HES6: variants seen among roughly 807,000 people sequenced by gnomAD.
HES6 encodes the protein transcription cofactor HES-6.
HES6 carries 24 observed loss-of-function variants against 16.4 expected under a neutral mutation model. That is an observed-to-expected ratio of 1.46 (90% CI 1.06 to 2.06). The LOEUF is 2.06. Ranked by LOEUF, HES6 falls within the 30% of genes most tolerant of loss-of-function variation. The pLI is 0.00. For synonymous variants in HES6, 159 were observed against 144.3 expected, an observed-to-expected ratio of 1.10 and a Z score of -0.73; for missense variants, 355 against 317.6, an observed-to-expected ratio of 1.12 and a Z score of -0.90.
Position 238,239,730 on chromosome 2 carries a change from C to T in HES6, c.99G>A (p.Val33=). Residue 33 remains valine, a synonymous_variant, in exon 2 of 4, where the codon GTG becomes GTA. Transcript: ENST00000272937. ...RGDRKARKPL[V]EKKRRARINE... ...TGATCCGCGCGCGCCGCTTCTTCTC[C>T]ACCAGGGGCTTCCGGGCCTGCGGGG... 2 of 1,371,688 alleles carry T rather than the reference C, an allele frequency of 1.5e-6. No homozygotes were observed. The highest frequency in any genetic ancestry group is 1.9e-6 in the Non-Finnish European group (2 of 1,055,606). 85.0% of individuals were successfully genotyped at this position (1,371,688 alleles called of 1,614,324 possible). A position where few individuals can be genotyped will look rare whatever the true frequency, so the allele number is the denominator to read the frequency against.
Position 238,239,076 on chromosome 2 carries a change from C to T in HES6, c.426G>A (p.Gln142=). ...SMPLREGSSF[Q]DLLGDALAGP... ...CCGCCAGGGCGTCCCCCAGCAGATC[C>T]TGGAAGCTGCTGCCCTCACGCAGCG... Residue 142 remains glutamine (Q), a synonymous_variant, in exon 4 of 4, where the codon CAG becomes CAA. Transcript: ENST00000272937. 6.2e-7 allele frequency: 1 copy of T among 1,612,520 alleles called. No individual in the cohort carries two copies. The highest frequency in any genetic ancestry group is 8.5e-7 in the Non-Finnish European group (1 of 1,179,902).
rs1333755406 is a variant in HES6 at position 238,238,509 on chromosome 2, G to A, written c.*318C>T. 3 of 386,460 alleles carry A rather than the reference G, an allele frequency of 7.8e-6. No homozygotes were observed. Among genetic ancestry groups the A allele is most frequent in the Non-Finnish European group, 1.4e-5 (3 of 212,388 alleles). The allele number at this position is 386,460 out of a possible 1,614,324, so 23.9% of individuals were successfully genotyped here. ...CATTTCTGCCACCTCTGCCCCCAGA[G>A]CCCGCACAGGGCTGGTGAAGCCTGG... On this transcript the variant is annotated 3_prime_UTR_variant, in exon 4 of 4. Coordinates refer to ENST00000272937, the MANE Select transcript of HES6 (RefSeq NM_018645.6).
At position 238,239,163 on chromosome 2, in the gene HES6, C is replaced by T. The variant is rs1443102552; in HGVS notation, c.339G>A (p.Thr113=). 4.3e-6 allele frequency: 7 copies of T among 1,612,538 alleles called. No individual in the cohort carries two copies. Among genetic ancestry groups the T allele is most frequent in the Non-Finnish European group, 5.9e-6 (7 of 1,179,902 alleles). Residue 113 remains threonine, a synonymous_variant, in exon 4 of 4, where the codon ACG becomes ACA. Coordinates refer to ENST00000272937, the MANE Select transcript of HES6 (RefSeq NM_018645.6). ...CGACGGTAGCGTCGATGGCCTGGCA[C>T]GTGGACACGAACGTGTGCACCTCGT... is the stretch of plus-strand genomic sequence containing the variant. ...CMHEVHTFVS[T]CQAIDATVAA... is the part of the protein sequence containing the mutation.
chr2:238,238,395 C>T lies in HES6; in HGVS notation c.*432G>A. The T allele has an allele frequency of 4.1e-6, 1 of 243,240 alleles. No homozygotes were observed. The highest frequency in any genetic ancestry group is 8.1e-6 in the Non-Finnish European group (1 of 123,974). 15.1% of individuals were successfully genotyped at this position (243,240 alleles called of 1,614,324 possible). Reference sequence around the variant, plus strand: ...CATCACAGCTCTGGGCAGTGCAGCTCAGTGCACCTGCCTCTCATCTCCCCG... The same window carrying T: ...CATCACAGCTCTGGGCAGTGCAGCTTAGTGCACCTGCCTCTCATCTCCCCG... On this transcript the variant is annotated 3_prime_UTR_variant, in exon 4 of 4. Coordinates refer to ENST00000272937, the MANE Select transcript of HES6 (RefSeq NM_018645.6).
chr2:238,239,305 T>G, intron 3 of HES6, 54 bp from the exon 4 acceptor site: 1 of 1,552,510 alleles, frequency 6.4e-7, no homozygotes, highest in Non-Finnish European at 8.7e-7. Context: ...GAGCGGCGAC[T>G]GCGTGGCCCA....
At chr2:238,239,357 G>C in intron 3 of HES6, 106 bp from the exon 4 acceptor site, 1 of 1,348,698 alleles carries the variant, frequency 7.4e-7, no homozygotes, top group Non-Finnish European at 9.8e-7. Flanking sequence ...CAGGAGACGC[G>C]GGGGCGCACC....
At position 238,239,915 on chromosome 2, in the gene HES6, G is replaced by T. The variant is rs897811229; in HGVS notation, c.-10C>A. The T allele has an allele frequency of 1.0e-5, 12 of 1,204,122 alleles. No homozygotes were observed. The highest frequency in any genetic ancestry group is 1.6e-5 in the African/African-American group (1 of 63,188). The allele number at this position is 1,204,122 out of a possible 1,614,324, so 74.6% of individuals were successfully genotyped here. On this transcript the variant is annotated 5_prime_UTR_variant, in exon 1 of 4. Coordinates refer to ENST00000272937, the MANE Select transcript of HES6 (RefSeq NM_018645.6). ...CCGCGGGTGGCGCCATGCCCGCTCC[G>T]CCGGGGACGCGGCAGGGGCTAGGAG...
At position 238,239,757 on chromosome 2, in the gene HES6, G is replaced by A. The variant is rs770497190; in HGVS notation, c.82-10C>T. On this transcript the variant is annotated splice_polypyrimidine_tract_variant and intron_variant, in intron 1 of 3. Coordinates refer to ENST00000272937, the MANE Select transcript of HES6 (RefSeq NM_018645.6). ...CCAGGGGCTTCCGGGCCTGCGGGGA[G>A]CGGGGCACTGAATCCCAGCCCCGCA... 12 of 1,396,278 alleles carry A rather than the reference G, an allele frequency of 8.6e-6. No individual in the cohort carries two copies. The highest frequency in any genetic ancestry group is 1.1e-5 in the Non-Finnish European group (12 of 1,068,038). 86.5% of individuals were successfully genotyped at this position (1,396,278 alleles called of 1,614,324 possible).
Position 238,239,671 on chromosome 2 carries a change from G to T in HES6, c.158C>A (p.Ala53Glu). ...GCCCGGCCGCCGCACCTCGGCGCCC[G>T]CCAGCAGCAGCCGCAGCTCCTGCAG... ...ESLQELRLLL[A>E]GAEVQAKLEN... Residue 53 changes from alanine (A) to glutamate (E), a missense_variant, in exon 2 of 4, where the codon GCG (alanine) becomes GAG (glutamate). Physicochemically the swap from Ala to Glu is moderately radical, Grantham distance 107. Transcript: ENST00000272937. 9.6e-7 allele frequency: 1 copy of T among 1,040,328 alleles called. No homozygotes were observed. The highest frequency in any genetic ancestry group is 1.2e-6 in the Non-Finnish European group (1 of 865,818). The allele number at this position is 1,040,328 out of a possible 1,614,324, so 64.4% of individuals were successfully genotyped here. A position where few individuals can be genotyped will look rare whatever the true frequency, so the allele number is the denominator to read the frequency against.
Position 238,238,867 on chromosome 2 carries a change from G to A in HES6, c.635C>T (p.Thr212Ile). 1 of 1,577,358 alleles carries A rather than the reference G, an allele frequency of 6.3e-7. No homozygotes were observed. The highest frequency in any genetic ancestry group is 8.6e-7 in the Non-Finnish European group (1 of 1,165,940). The change falls in exon 4 of 4, where the codon ACC (threonine) becomes ATC (isoleucine). Residue 212 changes from threonine to isoleucine, a missense_variant. Coordinates refer to ENST00000272937, the MANE Select transcript of HES6 (RefSeq NM_018645.6). ...DLVPAALGSL[T>I]TAQIARSVWR... is the part of the protein sequence containing the mutation. ...GACACTCCGGGCAATTTGGGCTGTGGTCAGGCTGCCCAGGGCTGCGGGCAC... is the reference window on the plus strand; with the variant it reads ...GACACTCCGGGCAATTTGGGCTGTGATCAGGCTGCCCAGGGCTGCGGGCAC...
At position 238,239,233 on chromosome 2, in the gene HES6, G is replaced by A; in HGVS notation, c.269C>T (p.Ala90Val). Reference sequence around the variant, plus strand: ...GGCAGCGAAGCGCTCGCTCGCTTCCGCCTGCAGCTGCTCGCGCTCTGGGCC... The same window carrying A: ...GGCAGCGAAGCGCTCGCTCGCTTCCACCTGCAGCTGCTCGCGCTCTGGGCC... Reference protein sequence around the residue: ...GRAREREQLQAEASERFAAGY... With the variant: ...GRAREREQLQVEASERFAAGY... Residue 90 changes from alanine to valine, a missense_variant, in exon 4 of 4, where the codon GCG (alanine) becomes GTG (valine). By Grantham distance (64) the Ala-to-Val change is moderately conservative (BLOSUM62 0). Coordinates refer to ENST00000272937, the MANE Select transcript of HES6 (RefSeq NM_018645.6). The A allele has an allele frequency of 1.2e-6, 2 of 1,607,314 alleles. No individual in the cohort carries two copies. The highest frequency in any genetic ancestry group is 1.7e-6 in the Non-Finnish European group (2 of 1,179,006).
In HES6 at chr2:238,239,379, G is replaced by A. The variant is rs1163770071; in HGVS notation, c.250+108C>T. Reference sequence around the variant, plus strand: ...CGCGGGGGCGCACCCTGCTCCGGTGGGAGCCCTCGCCGCCGACAGGACAGG... The same window carrying A: ...CGCGGGGGCGCACCCTGCTCCGGTGAGAGCCCTCGCCGCCGACAGGACAGG... On this transcript the variant is annotated intron_variant, in intron 3 of 3. Coordinates refer to ENST00000272937, the MANE Select transcript of HES6 (RefSeq NM_018645.6). 4.6e-6 allele frequency: 6 copies of A among 1,300,320 alleles called. No homozygotes were observed. In the South Asian group the frequency reaches 9.6e-5, roughly 21 times the overall value. The allele number at this position is 1,300,320 out of a possible 1,614,324, so 80.5% of individuals were successfully genotyped here. A position where few individuals can be genotyped will look rare whatever the true frequency, so the allele number is the denominator to read the frequency against.
At chr2:238,239,598 C>T (rs1352825310) in intron 2 of HES6, 30 bp from the exon 3 acceptor site, 124 of 1,186,622 alleles carry the variant, frequency 1.0e-4, no homozygotes, top group Non-Finnish European at 1.3e-4. Flanking sequence ...GGTGAGCCGG[C>T]AGCGCGCTCC....
Position 238,238,842 on chromosome 2 carries a change from G to A in HES6, c.660C>T (p.Val220=), listed in dbSNP as rs1214069885. 3.2e-6 allele frequency: 5 copies of A among 1,568,124 alleles called. No homozygotes were observed. Among genetic ancestry groups the A allele is most frequent in the Non-Finnish European group, 4.3e-6 (5 of 1,162,896 alleles). Residue 220 remains valine (V), a synonymous_variant, in exon 4 of 4, where the codon GTC becomes GTT. Transcript: ENST00000272937. ...SLTTAQIARS[V]WRPW Reference sequence around the variant, plus strand: ...CTGGCATTGGTCACCAAGGCCTCCAGACACTCCGGGCAATTTGGGCTGTGG... The same window carrying A: ...CTGGCATTGGTCACCAAGGCCTCCAAACACTCCGGGCAATTTGGGCTGTGG...
intron 2 of HES6, 43 bp from the exon 3 acceptor site, chr2:238,239,611 G>GGGGGGGGCGC: frequency 1.8e-6 from 2 of 1,135,690 alleles, no homozygotes; most frequent in South Asian, 3.9e-5. Context: ...CGCGCTCCCG[G>GGGGGGGGCGC]ACCCGCCCGC....
chr2:238,239,751 CG>C lies in HES6; in HGVS notation c.82-5del. ...TCTCCACCAGGGGCTTCCGGGCCTGCGGGGAGCGGGGCACTGAATCCCAGCC... is the reference window on the plus strand; with the variant it reads ...TCTCCACCAGGGGCTTCCGGGCCTGCGGGAGCGGGGCACTGAATCCCAGCC... On this transcript the variant is annotated splice_polypyrimidine_tract_variant and splice_region_variant and intron_variant, in intron 1 of 3. Transcript: ENST00000272937. 7.2e-7 allele frequency: 1 copy of C among 1,391,808 alleles called. No individual in the cohort carries two copies. Among genetic ancestry groups the C allele is most frequent in the Non-Finnish European group, 9.4e-7 (1 of 1,065,250 alleles). The allele number at this position is 1,391,808 out of a possible 1,614,324, so 86.2% of individuals were successfully genotyped here.
chr2:238,239,990 C>A lies in HES6; in HGVS notation c.-85G>T. ...ACCGGAGTGCCGGCGCCCTCCGCTG[C>A]CCCGCGGCCGCCCAGCAGCAGCCCA... On this transcript the variant is annotated 5_prime_UTR_variant, in exon 1 of 4. Transcript: ENST00000272937. 1.2e-6 allele frequency: 1 copy of A among 853,946 alleles called. No individual in the cohort carries two copies. Among genetic ancestry groups the A allele is most frequent in the Non-Finnish European group, 1.5e-6 (1 of 664,634 alleles). The allele number at this position is 853,946 out of a possible 1,614,324, so 52.9% of individuals were successfully genotyped here.
In HES6 at chr2:238,239,961, G is replaced by T; in HGVS notation, c.-56C>A. 1 of 1,108,510 alleles carries T rather than the reference G, an allele frequency of 9.0e-7. No homozygotes were observed. The highest frequency in any genetic ancestry group is 1.1e-6 in the Non-Finnish European group (1 of 890,002). The allele number at this position is 1,108,510 out of a possible 1,614,324, so 68.7% of individuals were successfully genotyped here. The stretch of plus-strand genomic sequence containing the variant: ...AGGAGCAGCGGGGACGGGGAGCGGC[G>T]GGGACCGGAGTGCCGGCGCCCTCCG... On this transcript the variant is annotated 5_prime_UTR_variant, in exon 1 of 4. Coordinates refer to ENST00000272937, the MANE Select transcript of HES6 (RefSeq NM_018645.6).
Position 238,238,979 on chromosome 2 carries a change from G to T in HES6, c.523C>A (p.Pro175Thr). 6.2e-7 allele frequency: 1 copy of T among 1,604,902 alleles called. No individual in the cohort carries two copies. ...GAGCACAGGTCGTCCCCAGGACCCGGGGGGCTGGGTATTGGGGATCCCGGA... is the reference window on the plus strand; with the variant it reads ...GAGCACAGGTCGTCCCCAGGACCCGTGGGGCTGGGTATTGGGGATCCCGGA... The part of the protein sequence containing the change: ...GAPGSPIPSP[P>T]GPGDDLCSDL... The change falls in exon 4 of 4, where the codon CCG becomes ACG. Residue 175 changes from proline to threonine, a missense_variant. By Grantham distance (38) the Pro-to-Thr change is conservative (BLOSUM62 -1). Transcript: ENST00000272937.
Sources: gnomAD v4.1 joint callset for allele counts on GRCh38, gnomAD v4.1.1 for gene constraint, MANE v1.5 for transcripts, NCBI Gene and HGNC (gene_info 2026-07-23, HGNC 2026-07-21) for gene names.